The following CSNK1E variants were observed in gnomAD, a reference collection of about 807,000 sequenced individuals.
CSNK1E encodes the protein casein kinase I isoform epsilon.
CSNK1E carries 17 observed loss-of-function variants against 46.1 expected under a neutral mutation model. The observed-to-expected ratio is 0.37, with a 90% CI of 0.25 to 0.55. The LOEUF (loss-of-function observed/expected upper bound fraction) is 0.55, where lower values mean the gene tolerates loss of function less well. CSNK1E is among the 20% of genes least tolerant of loss of function. The probability of loss-of-function intolerance (pLI) is 0.82; values close to 1 mark genes in which losing one functional copy is unlikely to be tolerated. For synonymous variants in CSNK1E, 241 were observed against 242.6 expected (o/e 0.99, Z 0.06); for missense variants, 386 against 595.4 (o/e 0.65, Z 3.66).
intron 6 of CSNK1E, among the ~76,000 whole-genome samples, chr22:38,299,159 C>A (rs569583434): frequency 2.0e-5 from 3 of 152,300 alleles, no homozygotes; most frequent in South Asian, 4.1e-4. Flanking sequence ...GGAAGACCTG[C>A]GAACAGTGGC....
rs779864081 is a variant in CSNK1E, at chr22:38,309,579, C to A, written c.76+4503G>T. The stretch of plus-strand genomic sequence containing the variant: ...AAGCGATTCTCATGCCTCAGCCTCC[C>A]GAGTAACTGGGATTACAAGCAGACA... On this transcript the variant is annotated intron_variant, in intron 2 of 10. Transcript: ENST00000396832. This position sits in a 1 kb window ranked among gnomAD's most constrained non-coding sequence, Gnocchi z 4.8. 7.2e-5 allele frequency among the ~76,000 whole-genome samples: 11 copies of A among 152,000 alleles called. No homozygotes were observed. The highest frequency in any genetic ancestry group is 1.6e-4 in the Non-Finnish European group (11 of 67,998).
intron 6 of CSNK1E, among the ~76,000 whole-genome samples, chr22:38,299,230 C>A (rs929119209): frequency 3.9e-5 from 6 of 152,234 alleles, no homozygotes; most frequent in African/African-American, 7.2e-5. Flanking sequence ...TCTTCCGCTG[C>A]CCTCGCCAAG....
intron 9 of CSNK1E, 108 bp from the exon 10 acceptor site, chr22:38,293,427 C>T (rs2092622323): frequency 1.4e-6 from 1 of 717,188 alleles, no homozygotes; most frequent in Admixed American, 2.3e-5. Flanking sequence ...TCTCTCCCCA[C>T]TGAGGAGGTG....
At chr22:38,316,182 A>G (rs2092744831) in intron 1 of CSNK1E, among the ~76,000 whole-genome samples, 1 of 152,204 alleles carries the variant, frequency 6.6e-6, no homozygotes, top group Non-Finnish European at 1.5e-5. Flanking sequence ...AAAATTAGAC[A>G]AACTACCAAC....
chr22:38,302,158 G>C (rs1198805220), intron 4 of CSNK1E, among the ~76,000 whole-genome samples: 1 of 152,106 alleles, frequency 6.6e-6, no homozygotes, highest in Non-Finnish European at 1.5e-5. Context: ...ACGGTCACTG[G>C]TCTGGAACAG....
At chr22:38,299,704 T>G (rs2092660742) in intron 6 of CSNK1E, among the ~76,000 whole-genome samples, 191 bp downstream of exon 6, 1 of 152,206 alleles carries the variant, frequency 6.6e-6, no homozygotes, top group Admixed American at 6.5e-5. Flanking sequence ...GAGACAGGGT[T>G]TCACCATGTT....
At chr22:38,308,500 G>C (rs1490308033) in intron 2 of CSNK1E, among the ~76,000 whole-genome samples, 1 of 152,136 alleles carries the variant, frequency 6.6e-6, no homozygotes, top group Non-Finnish European at 1.5e-5. Flanking sequence ...CCCCTGGCCA[G>C]GGGTCGTCGG....
At chr22:38,296,419 A>G in intron 7 of CSNK1E, 1 of 1,436,454 alleles carries the variant, frequency 7.0e-7, no homozygotes, top group South Asian at 1.5e-5. Flanking sequence ...GCAGCCAACA[A>G]CACAGGGTGT....
In CSNK1E at chr22:38,317,364, G is replaced by C. The variant is rs2092753124; in HGVS notation, c.-217C>G. On this transcript the variant is annotated 5_prime_UTR_variant, in exon 1 of 11. Coordinates refer to ENST00000396832, the MANE Select transcript of CSNK1E (RefSeq NM_152221.3). ...CTGGGCTCTCGCCGCCGCCGCCGCC[G>C]CCGCCGCCGCCTCCCTCCTCCCGGC... The C allele has an allele frequency of 1.4e-5, 2 of 146,262 alleles. No homozygotes were observed. The highest frequency in any genetic ancestry group is 5.2e-5 in the African/African-American group (2 of 38,790). 9.1% of individuals were successfully genotyped at this position (146,262 alleles called of 1,614,324 possible). A position where few individuals can be genotyped will look rare whatever the true frequency, so the allele number is the denominator to read the frequency against.
intron 2 of CSNK1E, among the ~76,000 whole-genome samples, chr22:38,305,298 A>ACGTATTCTTTGCATCCACT (rs1460928500): frequency 6.6e-6 from 1 of 152,094 alleles, no homozygotes; most frequent in Non-Finnish European, 1.5e-5. Flanking sequence ...GGTATTCTAT[A>ACGTATTCTTTGCATCCACT]CGTATTCTTT....
In CSNK1E at chr22:38,302,348, T is replaced by C. The variant is rs1008579169; in HGVS notation, c.336+513A>G. Among the ~76,000 whole-genome samples the C allele has an allele frequency of 4.3e-4, 66 of 152,134 alleles. 1 individual carries two copies. Among genetic ancestry groups the C allele is most frequent in the African/African-American group, 1.6e-3 (65 of 41,426 alleles). ...CAGTGAGACCCCCATCTCTATTTCT[T>C]ACAATTAAATGATATTTTTGAAATA... On this transcript the variant is annotated intron_variant, in intron 4 of 10. Transcript: ENST00000396832.
chr22:38,310,870 T>C (rs2092717837), intron 2 of CSNK1E, among the ~76,000 whole-genome samples: 1 of 152,146 alleles, frequency 6.6e-6, no homozygotes, highest in African/African-American at 2.4e-5. Context: ...GGCAGAGCAC[T>C]GGGGATAAGA....
chr22:38,315,990 G>A (rs376420399), intron 1 of CSNK1E, among the ~76,000 whole-genome samples: 4 of 152,130 alleles, frequency 2.6e-5, no homozygotes, highest in East Asian at 3.9e-4. Context: ...AGGTCCCTGG[G>A]GGAGCCTAGA....
chr22:38,310,729 C>A (rs2092717152), intron 2 of CSNK1E, among the ~76,000 whole-genome samples: 1 of 152,216 alleles, frequency 6.6e-6, no homozygotes, highest in Admixed American at 6.5e-5. Context: ...TCTTGGCTGA[C>A]CCCTTATGAT....
At chr22:38,301,315 GA>G (rs2092670845) in intron 4 of CSNK1E, among the ~76,000 whole-genome samples, 1 of 152,236 alleles carries the variant, frequency 6.6e-6, no homozygotes, top group Admixed American at 6.5e-5. Flanking sequence ...AGATGTGGGC[GA>G]GGGGCAGGCA....
chr22:38,300,140 C>T lies in CSNK1E; in HGVS notation c.566-75G>A, dbSNP rs1448343033. 1.4e-6 allele frequency: 2 copies of T among 1,429,130 alleles called. No homozygotes were observed. Among genetic ancestry groups the T allele is most frequent in the African/African-American group, 2.8e-5 (2 of 70,404 alleles). The allele number at this position is 1,429,130 out of a possible 1,614,324, so 88.5% of individuals were successfully genotyped here. Reference sequence around the variant, plus strand: ...CCTAACTCATCCTCTGGGTCATGCTCCTCACAATGCACCAGGACCCTCCTG... The same window carrying T: ...CCTAACTCATCCTCTGGGTCATGCTTCTCACAATGCACCAGGACCCTCCTG... On this transcript the variant is annotated intron_variant, in intron 5 of 10. Transcript: ENST00000396832. The surrounding 1 kb of genome is among the most constrained non-coding windows in gnomAD (Gnocchi z 4.4).
chr22:38,301,427 C>T (rs1014966175), intron 4 of CSNK1E, among the ~76,000 whole-genome samples: 1 of 152,020 alleles, frequency 6.6e-6, no homozygotes, highest in African/African-American at 2.4e-5. Context: ...ACATGGCCCT[C>T]TTTCCTTTGA....
intron 7 of CSNK1E, chr22:38,296,074 G>C: frequency 1.3e-6 from 1 of 766,850 alleles, no homozygotes; most frequent in Non-Finnish European, 1.6e-6. Flanking sequence ...GCAGCCAGCA[G>C]CCAAGCAGAG....
chr22:38,303,079 T>G lies in CSNK1E; in HGVS notation c.187+59A>C. On this transcript the variant is annotated intron_variant, in intron 3 of 10. Transcript: ENST00000396832. This position sits in a 1 kb window ranked among gnomAD's most constrained non-coding sequence, Gnocchi z 4.7. ...AGCCAGCCACGCCCGGCCCACCCTG[T>G]GCTCATGGCTGCCCACCGCCACCCA... The G allele has an allele frequency of 6.2e-7, 1 of 1,600,302 alleles. No homozygotes were observed. Among genetic ancestry groups the G allele is most frequent in the East Asian group, 2.2e-5 (1 of 44,640 alleles).
Sources: allele counts gnomAD v4.1 joint callset (sites outside exome capture counted in the v4.1 genomes callset), GRCh38; gene constraint gnomAD v4.1.1; non-coding constraint Gnocchi (gnomAD v3.1); transcripts MANE v1.5; gene names NCBI Gene and HGNC (gene_info 2026-07-23, HGNC 2026-07-21).